Variants in OR10G7 observed in about 807,000 individuals in gnomAD.
The protein encoded by OR10G7 is olfactory receptor family 10 subfamily G member 7, also known as olfactory receptor 10G7.
For synonymous variants in OR10G7, 165 were observed against 167.4 expected (o/e 0.99, Z 0.11); for missense variants, 338 against 382.1 (o/e 0.88, Z 0.96).
chr11:124,040,278 T>C (rs1321611489), intron 1 of OR10G7, among the ~76,000 whole-genome samples: 4 of 152,062 alleles, frequency 2.6e-5, no homozygotes, highest in Admixed American at 1.3e-4. Flanking sequence ...ATTAAAATAA[T>C]AATATAGTTA....
chr11:124,040,129 T>A (rs1864231031), intron 1 of OR10G7, among the ~76,000 whole-genome samples: 2 of 152,162 alleles, frequency 1.3e-5, no homozygotes, highest in Non-Finnish European at 2.9e-5. Flanking sequence ...TTCTCCAGAA[T>A]TTTAGGCAAT....
rs11219419 is a variant in OR10G7, at chr11:124,038,366, C to G, written c.636G>C (p.Leu212=). Residue 212 remains leucine (L), a synonymous_variant, in exon 2 of 2, where the codon CTG becomes CTC. Coordinates refer to ENST00000641585, the MANE Select transcript of OR10G7 (RefSeq NM_001004463.2). ...CGATGGACACATAGGACAGCACTAT[C>G]AGGACAAAGCAGCCCGAGGCCACTA... The part of the protein sequence containing the change: ...IGLVASGCFV[L]IVLSYVSIVC... The G allele has an allele frequency of 0.3, 478,950 of 1,613,858 alleles. 73,775 individuals are homozygous for G. The highest frequency in any genetic ancestry group is 0.35 in the Admixed American group (21,002 of 59,994).
chr11:124,037,918 C>G lies in OR10G7; in HGVS notation c.*148G>C. 1 of 559,352 alleles carries G rather than the reference C, an allele frequency of 1.8e-6. No individual in the cohort carries two copies. The highest frequency in any genetic ancestry group is 3.0e-6 in the Non-Finnish European group (1 of 336,156). 34.6% of individuals were successfully genotyped at this position (559,352 alleles called of 1,614,324 possible). A position where few individuals can be genotyped will look rare whatever the true frequency, so the allele number is the denominator to read the frequency against. Reference sequence around the variant, plus strand: ...AACTAGGATTCTAACAAACACTCTGCAGAAAAAAATGAAAAATTAATTAAC... The same window carrying G: ...AACTAGGATTCTAACAAACACTCTGGAGAAAAAAATGAAAAATTAATTAAC... On this transcript the variant is annotated 3_prime_UTR_variant, in exon 2 of 2. Transcript: ENST00000641585.
chr11:124,039,135 T>C, intron 1 of OR10G7, 114 bp from the exon 2 acceptor site: 1 of 1,113,014 alleles, frequency 9.0e-7, no homozygotes, highest in Non-Finnish European at 1.3e-6. Context: ...TTTTTATATT[T>C]TATAACTTCC....
intron 1 of OR10G7, among the ~76,000 whole-genome samples, chr11:124,040,514 T>C (rs1304616832): frequency 6.6e-6 from 1 of 152,044 alleles, no homozygotes; most frequent in Non-Finnish European, 1.5e-5. Context: ...AAAAGAAGCA[T>C]TTCATTATTA....
chr11:124,038,003 G>T lies in OR10G7; in HGVS notation c.*63C>A. The T allele has an allele frequency of 9.4e-7, 1 of 1,064,802 alleles. No homozygotes were observed. The highest frequency in any genetic ancestry group is 1.4e-6 in the Non-Finnish European group (1 of 738,258). The allele number at this position is 1,064,802 out of a possible 1,614,324, so 66.0% of individuals were successfully genotyped here. On this transcript the variant is annotated 3_prime_UTR_variant, in exon 2 of 2. Transcript: ENST00000641585. ...TGCTCCATTCAAGTATAATGCTTAT[G>T]TTGAAGGTTTAATTTAATTACAAAT...
rs577945532 is a variant in OR10G7, at chr11:124,037,984, A to T, written c.*82T>A. The T allele has an allele frequency of 1.1e-6, 1 of 882,306 alleles. No homozygotes were observed. The highest frequency in any genetic ancestry group is 1.7e-6 in the Non-Finnish European group (1 of 587,982). The allele number at this position is 882,306 out of a possible 1,614,324, so 54.7% of individuals were successfully genotyped here. On this transcript the variant is annotated 3_prime_UTR_variant, in exon 2 of 2. Transcript: ENST00000641585. ...TAAGACTGAATAATTGAAATGCTCC[A>T]TTCAAGTATAATGCTTATGTTGAAG...
intron 1 of OR10G7, among the ~76,000 whole-genome samples, chr11:124,039,338 C>T (rs61908616): frequency 0.039 from 5,867 of 152,112 alleles, 155 homozygotes; most frequent in Non-Finnish European, 0.057. Flanking sequence ...TGCTGGCAAG[C>T]TCTTTCCGGG....
chr11:124,041,187 A>C lies in OR10G7; in HGVS notation c.-322T>G, dbSNP rs942481138. The stretch of plus-strand genomic sequence containing the variant: ...ATTCCATAAACCTTTTTATTTAGCC[A>C]AAAATCAACTTCCAAAATGAATAAC... On this transcript the variant is annotated 5_prime_UTR_variant, in exon 1 of 2. Transcript: ENST00000641585. The C allele has an allele frequency of 6.6e-6, 1 of 152,150 alleles. No individual in the cohort carries two copies. The highest frequency in any genetic ancestry group is 2.4e-5 in the African/African-American group (1 of 41,394). The allele number at this position is 152,150 out of a possible 1,614,324, so 9.4% of individuals were successfully genotyped here. A position where few individuals can be genotyped will look rare whatever the true frequency, so the allele number is the denominator to read the frequency against.
In OR10G7 at chr11:124,036,189, A is replaced by T. The variant is rs78769758; in HGVS notation, c.*1877T>A. 1 of 152,174 alleles carries T rather than the reference A, an allele frequency of 6.6e-6. No individual in the cohort carries two copies. The highest frequency in any genetic ancestry group is 2.4e-5 in the African/African-American group (1 of 41,442). The allele number at this position is 152,174 out of a possible 1,614,324, so 9.4% of individuals were successfully genotyped here. A position where few individuals can be genotyped will look rare whatever the true frequency, so the allele number is the denominator to read the frequency against. On this transcript the variant is annotated 3_prime_UTR_variant, in exon 2 of 2. Coordinates refer to ENST00000641585, the MANE Select transcript of OR10G7 (RefSeq NM_001004463.2). ...GGGAAACTGGGCAAGGTATAACAAGAACTATCACTGTGTTATTTCTTACAA... is the reference window on the plus strand; with the variant it reads ...GGGAAACTGGGCAAGGTATAACAAGTACTATCACTGTGTTATTTCTTACAA...
At position 124,038,106 on chromosome 11, in the gene OR10G7, A is replaced by C. The variant is rs1321594379; in HGVS notation, c.896T>G (p.Leu299Trp). Reference sequence around the variant, plus strand: ...AAATACTGACCCATTTTTCAGCTTCAACAGAGCTTTCTTTACCTCCTTGTT... The same window carrying C: ...AAATACTGACCCATTTTTCAGCTTCCACAGAGCTTTCTTTACCTCCTTGTT... ...LRNKEVKKAL[L>W]KLKNGSVFAQ... is the part of the protein sequence containing the mutation. Residue 299 changes from leucine to tryptophan, a missense_variant, in exon 2 of 2, where the codon TTG becomes TGG. Transcript: ENST00000641585. 1.2e-6 allele frequency: 2 copies of C among 1,613,488 alleles called. No individual in the cohort carries two copies. The highest frequency in any genetic ancestry group is 1.3e-5 in the African/African-American group (1 of 74,776).
chr11:124,037,015 G>A lies in OR10G7; in HGVS notation c.*1051C>T, dbSNP rs1864197629. The A allele has an allele frequency of 6.6e-6, 1 of 152,172 alleles. No individual in the cohort carries two copies. Among genetic ancestry groups the A allele is most frequent in the Non-Finnish European group, 1.5e-5 (1 of 68,036 alleles). 9.4% of individuals were successfully genotyped at this position (152,172 alleles called of 1,614,324 possible). On this transcript the variant is annotated 3_prime_UTR_variant, in exon 2 of 2. Transcript: ENST00000641585. ...ATGCTATGCTAGGCAGAGTTGGCAT[G>A]ACCAGGATACCTGTGGTATTTAAAT... is the stretch of plus-strand genomic sequence containing the variant.
chr11:124,037,788 A>T lies in OR10G7; in HGVS notation c.*278T>A, dbSNP rs1864203290. The T allele has an allele frequency of 5.2e-6, 1 of 192,086 alleles. No individual in the cohort carries two copies. The allele number at this position is 192,086 out of a possible 1,614,324, so 11.9% of individuals were successfully genotyped here. On this transcript the variant is annotated 3_prime_UTR_variant, in exon 2 of 2. Coordinates refer to ENST00000641585, the MANE Select transcript of OR10G7 (RefSeq NM_001004463.2). ...TTATACTGAATAACAATTCTGGAAA[A>T]TATTTATATAAGAAAATAAATTACT...
Position 124,038,465 on chromosome 11 carries a change from G to A in OR10G7, c.537C>T (p.Asp179=), listed in dbSNP as rs28414940. 0.27 allele frequency: 438,729 copies of A among 1,602,628 alleles called. 39,780 individuals carry two copies. Among genetic ancestry groups the A allele is most frequent in the Admixed American group, 0.33 (19,906 of 59,732 alleles). Residue 179 remains aspartate (D), a synonymous_variant, in exon 2 of 2, where the codon GAC becomes GAT. Coordinates refer to ENST00000641585, the MANE Select transcript of OR10G7 (RefSeq NM_001004463.2). ...GPNQIQHYFC[D]APPILKLACA... The stretch of plus-strand genomic sequence containing the variant: ...AGGCCAGTTTCAGGATGGGCGGTGC[G>A]TCACAGAAGTAGTGCTGGATCTGGT...
In OR10G7 at chr11:124,038,172, G is replaced by T; in HGVS notation, c.830C>A (p.Thr277Lys). The change falls in exon 2 of 2, where the codon ACG becomes AAG. Residue 277 changes from threonine to lysine, a missense_variant. Coordinates refer to ENST00000641585, the MANE Select transcript of OR10G7 (RefSeq NM_001004463.2). Reference protein sequence around the residue: ...LHGVVAVFYTTLTPLFNPVVY... With the variant: ...LHGVVAVFYTKLTPLFNPVVY... Reference sequence around the variant, plus strand: ...AACAGGGTTGAAAAGAGGAGTCAGCGTGGTGTAGAAAACGGCCACAACCCC... The same window carrying T: ...AACAGGGTTGAAAAGAGGAGTCAGCTTGGTGTAGAAAACGGCCACAACCCC... 6.2e-7 allele frequency: 1 copy of T among 1,613,940 alleles called. No homozygotes were observed. The highest frequency in any genetic ancestry group is 8.5e-7 in the Non-Finnish European group (1 of 1,179,956).
Position 124,038,391 on chromosome 11 carries a change from A to T in OR10G7, c.611T>A (p.Leu204Gln). The change falls in exon 2 of 2, where the codon CTA becomes CAA. Residue 204 changes from leucine (L) to glutamine (Q), a missense_variant. Transcript: ENST00000641585. ...NEMVIFVNIG[L>Q]VASGCFVLIV... Reference sequence around the variant, plus strand: ...CAGGACAAAGCAGCCCGAGGCCACTAGCCCAATATTCACAAAGATGACCAT... The same window carrying T: ...CAGGACAAAGCAGCCCGAGGCCACTTGCCCAATATTCACAAAGATGACCAT... The T allele has an allele frequency of 6.2e-7, 1 of 1,614,126 alleles. No homozygotes were observed. The highest frequency in any genetic ancestry group is 8.5e-7 in the Non-Finnish European group (1 of 1,180,010).
Position 124,038,010 on chromosome 11 carries a change from GTTTAA to G in OR10G7, c.*51_*55del, listed in dbSNP as rs1386715963. On this transcript the variant is annotated 3_prime_UTR_variant, in exon 2 of 2. Transcript: ENST00000641585. ...TTCAAGTATAATGCTTATGTTGAAG[GTTTAA>G]TTTAATTACAAATAAAAAAAGAAAA... is the stretch of plus-strand genomic sequence containing the variant. The G allele has an allele frequency of 3.4e-6, 4 of 1,166,194 alleles. No homozygotes were observed. In the African/African-American group the frequency reaches 6.2e-5, roughly 18 times the overall value. The allele number at this position is 1,166,194 out of a possible 1,614,324, so 72.2% of individuals were successfully genotyped here. A position where few individuals can be genotyped will look rare whatever the true frequency, so the allele number is the denominator to read the frequency against.
Position 124,037,142 on chromosome 11 carries a change from A to C in OR10G7, c.*924T>G, listed in dbSNP as rs1470967128. On this transcript the variant is annotated 3_prime_UTR_variant, in exon 2 of 2. Transcript: ENST00000641585. ...TGGTCTGAGCCTTACCTACCCAGAG[A>C]GTGTACAGAGTCCATTTCATATACT... is the stretch of plus-strand genomic sequence containing the variant. The C allele has an allele frequency of 2.6e-5, 4 of 152,224 alleles. No individual in the cohort carries two copies. The highest frequency in any genetic ancestry group is 5.9e-5 in the Non-Finnish European group (4 of 68,040). 9.4% of individuals were successfully genotyped at this position (152,224 alleles called of 1,614,324 possible). A position where few individuals can be genotyped will look rare whatever the true frequency, so the allele number is the denominator to read the frequency against.
At position 124,036,809 on chromosome 11, in the gene OR10G7, C is replaced by G. The variant is rs994194703; in HGVS notation, c.*1257G>C. On this transcript the variant is annotated 3_prime_UTR_variant, in exon 2 of 2. Coordinates refer to ENST00000641585, the MANE Select transcript of OR10G7 (RefSeq NM_001004463.2). ...CATGGTTTATGTAGCTCATGCTTAC[C>G]AAGTTAGTATGTTTTTCTTCTCAAT... 3 of 152,096 alleles carry G rather than the reference C, an allele frequency of 2.0e-5. No individual in the cohort carries two copies. In the East Asian group the frequency reaches 5.8e-4, roughly 29 times the overall value. 9.4% of individuals were successfully genotyped at this position (152,096 alleles called of 1,614,324 possible). A position where few individuals can be genotyped will look rare whatever the true frequency, so the allele number is the denominator to read the frequency against.
Sources: allele counts gnomAD v4.1 joint callset (sites outside exome capture counted in the v4.1 genomes callset), GRCh38; gene constraint gnomAD v4.1.1; transcripts MANE v1.5; gene names NCBI Gene and HGNC (gene_info 2026-07-23, HGNC 2026-07-21).